Variants in RFFL observed in about 807,000 individuals in gnomAD.
RFFL encodes ring finger and FYVE like domain containing E3 ubiquitin protein ligase.
RFFL carries 16 observed loss-of-function variants against 40.4 expected under a neutral mutation model. That is an observed-to-expected ratio of 0.40 (90% CI 0.27 to 0.60). The LOEUF is 0.60. Among genes scored for constraint, RFFL ranks in the 20% least tolerant of loss-of-function variants. The pLI, the probability that RFFL is intolerant of heterozygous loss-of-function variation, is 0.47. For missense variants in RFFL, 367 were observed against 451.7 expected, an observed-to-expected ratio of 0.81 and a Z score of 1.70; for synonymous variants, 154 against 167.9, an observed-to-expected ratio of 0.92 and a Z score of 0.64.
chr17:35,017,127 C>G (rs1187267463), intron 4 of RFFL, among the ~76,000 whole-genome samples: 1 of 152,064 alleles, frequency 6.6e-6, no homozygotes, highest in Non-Finnish European at 1.5e-5. Context: ...GGCCACAGCT[C>G]CCTGGTCTGT....
chr17:35,064,965 A>C (rs2091312767), upstream of RFFL, among the ~76,000 whole-genome samples: 1 of 152,228 alleles, frequency 6.6e-6, no homozygotes, highest in Non-Finnish European at 1.5e-5. Context: ...AAGGTATTAT[A>C]AAATGTTCCC....
intron 1 of RFFL, among the ~76,000 whole-genome samples, chr17:35,036,819 T>C (rs2142339837): frequency 6.6e-6 from 1 of 152,340 alleles, no homozygotes; most frequent in East Asian, 1.9e-4. Context: ...CTAAGTAGTT[T>C]CAAAACACTT....
intron 1 of RFFL, among the ~76,000 whole-genome samples, chr17:35,046,931 T>A (rs1209913153): frequency 6.6e-6 from 1 of 152,160 alleles, no homozygotes; most frequent in Non-Finnish European, 1.5e-5. Flanking sequence ...GGTGAGTCAA[T>A]CAGGAAACAA....
At chr17:35,039,411 C>T (rs8067012) in intron 1 of RFFL, among the ~76,000 whole-genome samples, 1 of 151,204 alleles carries the variant, frequency 6.6e-6, no homozygotes, top group Non-Finnish European at 1.5e-5. Flanking sequence ...GTAGAGACGG[C>T]GTTTCACCAT....
chr17:35,082,975 G>GTTC (rs1200781048), intron 1 of RFFL, among the ~76,000 whole-genome samples: 1 of 152,142 alleles, frequency 6.6e-6, no homozygotes, highest in Non-Finnish European at 1.5e-5. Context: ...AAATCAGATG[G>GTTC]TTCTATATTT....
intron 1 of RFFL, among the ~76,000 whole-genome samples, chr17:35,043,977 C>G (rs2142348887): frequency 6.6e-6 from 1 of 152,294 alleles, no homozygotes; most frequent in Admixed American, 6.5e-5. Context: ...AGACCCCCAA[C>G]CTTCTAAAGA....
At chr17:35,030,540 T>A (rs1290750068) in intron 1 of RFFL, among the ~76,000 whole-genome samples, 1 of 152,086 alleles carries the variant, frequency 6.6e-6, no homozygotes, top group Non-Finnish European at 1.5e-5. Flanking sequence ...GACCTCATGA[T>A]CTGCCCACCT....
Position 35,021,503 on chromosome 17 carries a change from T to C in RFFL, c.459A>G (p.Pro153=), listed in dbSNP as rs1377715898. 1 of 1,602,654 alleles carries C rather than the reference T, an allele frequency of 6.2e-7. No individual in the cohort carries two copies. Among genetic ancestry groups the C allele is most frequent in the South Asian group, 1.1e-5 (1 of 88,918 alleles). The change falls in exon 3 of 7, where the codon CCA becomes CCG. Residue 153 remains proline, a synonymous_variant. Coordinates refer to ENST00000394597, the MANE Select transcript of RFFL (RefSeq NM_001017368.2). ...EDRTRASTLS[P]DFPEQQAFLT... ...GGAAGGCCTGCTGCTCAGGAAAGTC[T>C]GGGGACAAGGTGGAGGCACGAGTCC...
chr17:35,064,803 A>G (rs1650885873), upstream of RFFL, among the ~76,000 whole-genome samples: 1 of 152,192 alleles, frequency 6.6e-6, no homozygotes. Context: ...ATGTTAGGTT[A>G]ATTAAAATGT....
chr17:35,043,987 A>C (rs1268627692), intron 1 of RFFL, among the ~76,000 whole-genome samples: 4 of 152,232 alleles, frequency 2.6e-5, no homozygotes, highest in Non-Finnish European at 5.9e-5. Flanking sequence ...CCTTCTAAAG[A>C]TAAAGCCTTT....
At chr17:35,045,967 G>A (rs1332682806) in intron 1 of RFFL, among the ~76,000 whole-genome samples, 4 of 151,044 alleles carry the variant, frequency 2.6e-5, no homozygotes, top group East Asian at 3.9e-4. Flanking sequence ...CGGAGGTTGC[G>A]GTGAGCCAAG....
chr17:35,010,206 T>C lies in RFFL; in HGVS notation c.*1762A>G, dbSNP rs184404227. On this transcript the variant is annotated 3_prime_UTR_variant, in exon 7 of 7. Transcript: ENST00000394597. ...TTCCCTCTGCCATCCAGAGTCATGA[T>C]TGGTTCTAGTCTCAGATTTTTCAGC... 6 of 152,302 alleles carry C rather than the reference T, an allele frequency of 3.9e-5. No individual in the cohort carries two copies. Among genetic ancestry groups the C allele is most frequent in the East Asian group, 3.9e-4 (2 of 5,186 alleles). 9.4% of individuals were successfully genotyped at this position (152,302 alleles called of 1,614,324 possible).
rs1270202810 is a variant in RFFL at position 35,017,445 on chromosome 17, C to T, written c.675+78G>A. On this transcript the variant is annotated intron_variant, in intron 4 of 6. Transcript: ENST00000394597. ...TCATCACACATTTATTCTCTCTCCA[C>T]TCGACTCTGCTAAGAGGTTCCGAAG... The T allele has an allele frequency of 4.5e-6, 4 of 896,672 alleles. No homozygotes were observed. In the African/African-American group the frequency reaches 6.6e-5, roughly 15 times the overall value. 55.5% of individuals were successfully genotyped at this position (896,672 alleles called of 1,614,324 possible). A position where few individuals can be genotyped will look rare whatever the true frequency, so the allele number is the denominator to read the frequency against.
chr17:35,087,175 A>T (rs2091434958), intron 1 of RFFL, among the ~76,000 whole-genome samples: 1 of 151,958 alleles, frequency 6.6e-6, no homozygotes, highest in South Asian at 2.1e-4. Context: ...ACATGGCAAA[A>T]CCTCATCTCT....
intron 1 of RFFL, among the ~76,000 whole-genome samples, chr17:35,056,633 T>A (rs897673436): frequency 1.1e-4 from 17 of 152,126 alleles, no homozygotes; most frequent in African/African-American, 4.1e-4. Flanking sequence ...CACTTCAGCC[T>A]CCCAAAGTGC....
At chr17:35,018,995 C>G (rs2090991632) in intron 3 of RFFL, 1 of 152,230 alleles carries the variant, frequency 6.6e-6, no homozygotes, top group Non-Finnish European at 1.5e-5. Flanking sequence ...AAACTAGTAC[C>G]TGTCCACAGT....
chr17:35,056,984 C>T (rs1487044437), intron 1 of RFFL, among the ~76,000 whole-genome samples: 4 of 151,488 alleles, frequency 2.6e-5, no homozygotes, highest in South Asian at 2.1e-4. Flanking sequence ...GGTGCAACCT[C>T]GGCTCACTGC....
intron 1 of RFFL, among the ~76,000 whole-genome samples, chr17:35,073,435 G>GGTTTCCAGGT (rs1194734144): frequency 6.6e-6 from 1 of 152,184 alleles, no homozygotes; most frequent in Non-Finnish European, 1.5e-5. Flanking sequence ...GGTAAGATGT[G>GGTTTCCAGGT]ACAGGCTTCT....
At chr17:35,083,899 C>A (rs2091415755) in intron 1 of RFFL, among the ~76,000 whole-genome samples, 3 of 151,790 alleles carry the variant, frequency 2.0e-5, no homozygotes, top group African/African-American at 7.3e-5. Flanking sequence ...AGTATCAATG[C>A]AATAAAACGG....
Sources: gnomAD v4.1 joint callset for allele counts (sites outside exome capture counted in the v4.1 genomes callset) on GRCh38, gnomAD v4.1.1 for gene constraint, MANE v1.5 for transcripts, NCBI Gene and HGNC (gene_info 2026-07-23, HGNC 2026-07-21) for gene names.